The following RGS3 variants were observed in gnomAD, a reference collection of about 807,000 sequenced individuals.
RGS3 encodes the protein regulator of G-protein signalling 3.
A neutral mutation model predicts 132.6 loss-of-function variants in RGS3; 80 were observed. That is an observed-to-expected ratio of 0.60 (90% confidence interval 0.50 to 0.73). RGS3 has a LOEUF of 0.73. RGS3 is among the 30% of genes least tolerant of loss of function. RGS3 has a pLI of 0.00. For missense variants in RGS3, 1,382 were observed against 1,530.8 expected (o/e 0.90, Z 1.62); for synonymous variants, 598 against 620.6 (o/e 0.96, Z 0.54).
chr9:113,482,922 C>G, intron 4 of RGS3, 137 bp from the exon 3 acceptor site: 1 of 1,532,926 alleles, frequency 6.5e-7, no homozygotes, highest in Non-Finnish European at 8.8e-7. Flanking sequence ...GGCCATAGCC[C>G]TGCTACTCAC....
At chr9:113,547,113 G>GTC (rs1833147633) in intron 19 of RGS3, among the ~76,000 whole-genome samples, 1 of 152,140 alleles carries the variant, frequency 6.6e-6, no homozygotes, top group Admixed American at 6.5e-5. Flanking sequence ...CTTCATCACA[G>GTC]TCACTGTCTT....
intron 19 of RGS3, chr9:113,581,636 C>G (rs1046936494): frequency 6.6e-6 from 1 of 152,256 alleles, no homozygotes; most frequent in African/African-American, 2.4e-5. Flanking sequence ...CCATTTCATA[C>G]GTGGACACCT....
At chr9:113,498,149 G>A (rs1830747382) in intron 10 of RGS3, 69 bp downstream of exon 8, 1 of 1,448,314 alleles carries the variant, frequency 6.9e-7, no homozygotes, top group South Asian at 1.1e-5. Context: ...CTGGGCCCGG[G>A]AAACCCCTAA....
At chr9:113,466,913 A>G (rs1588135446) in intron 3 of RGS3, among the ~76,000 whole-genome samples, 1 of 152,156 alleles carries the variant, frequency 6.6e-6, no homozygotes, top group East Asian at 1.9e-4. Flanking sequence ...GCAATTGCTA[A>G]TCTATTCTCT....
intron 21 of RGS3, chr9:113,592,603 C>T (rs1835496570): frequency 1.3e-5 from 2 of 152,162 alleles, no homozygotes; most frequent in Admixed American, 1.3e-4. Flanking sequence ...TGTCCCTCAG[C>T]CTCCCAAGTA....
At chr9:113,548,544 G>A (rs1833205655) in intron 19 of RGS3, among the ~76,000 whole-genome samples, 1 of 152,212 alleles carries the variant, frequency 6.6e-6, no homozygotes, top group Admixed American at 6.5e-5. Context: ...CTGAGGGGAA[G>A]AGGAGGGGGC....
At chr9:113,594,687 A>T (rs1004001477) in intron 22 of RGS3, among the ~76,000 whole-genome samples, 156 bp downstream of exon 20, 11 of 152,154 alleles carry the variant, frequency 7.2e-5, no homozygotes, top group Middle Eastern at 3.4e-3. Context: ...CCTGGCAAGC[A>T]GCTACCCTCA....
At chr9:113,590,533 C>G (rs941880663) in intron 20 of RGS3, among the ~76,000 whole-genome samples, 2 of 151,610 alleles carry the variant, frequency 1.3e-5, no homozygotes, top group Non-Finnish European at 2.9e-5. Flanking sequence ...TCCATCCACT[C>G]ATCTATCCAT....
chr9:113,595,062 C>A, intron 23 of RGS3, 82 bp downstream of exon 21: 1 of 1,344,940 alleles, frequency 7.4e-7, no homozygotes, highest in Non-Finnish European at 1.1e-6. Flanking sequence ...GTAGCTGGTG[C>A]TAGAGAGGCC....
chr9:113,593,881 G>A (rs770153643), intron 21 of RGS3: 1 of 1,559,592 alleles, frequency 6.4e-7, no homozygotes, highest in Non-Finnish European at 8.7e-7. Flanking sequence ...GCAATTTGCT[G>A]ACTTGTCCCC....
At chr9:113,465,526 G>A (rs1409595955) in intron 3 of RGS3, among the ~76,000 whole-genome samples, 1 of 151,146 alleles carries the variant, frequency 6.6e-6, no homozygotes, top group Non-Finnish European at 1.5e-5. Flanking sequence ...TTGAGATCAA[G>A]TTTGTATGGA....
At chr9:113,517,416 G>A (rs775508142) in intron 15 of RGS3, 125 bp from the exon 14 acceptor site, 9 of 764,854 alleles carry the variant, frequency 1.2e-5, no homozygotes, top group African/African-American at 3.4e-5. Flanking sequence ...GGTCGGTGGC[G>A]GGCTGACAGT....
chr9:113,466,672 G>A (rs1376464076), intron 3 of RGS3, among the ~76,000 whole-genome samples: 4 of 152,082 alleles, frequency 2.6e-5, no homozygotes, highest in African/African-American at 9.7e-5. Flanking sequence ...TTTTCTCCAG[G>A]ATTGTATATT....
chr9:113,484,864 G>C (rs920471619), intron 6 of RGS3, among the ~76,000 whole-genome samples: 1 of 152,104 alleles, frequency 6.6e-6, no homozygotes, highest in African/African-American at 2.4e-5. Flanking sequence ...ACTACATAAA[G>C]TAGTTTTGGT....
At chr9:113,466,371 A>G (rs1829643966) in intron 3 of RGS3, among the ~76,000 whole-genome samples, 1 of 152,266 alleles carries the variant, frequency 6.6e-6, no homozygotes, top group Non-Finnish European at 1.5e-5. Flanking sequence ...AGGGAGCATA[A>G]TCATCTATGG....
At chr9:113,551,003 A>C (rs1230397600) in intron 19 of RGS3, among the ~76,000 whole-genome samples, 2 of 152,240 alleles carry the variant, frequency 1.3e-5, no homozygotes, top group Non-Finnish European at 2.9e-5. Flanking sequence ...TCACCCATTT[A>C]AAGTACACAA....
exon 3 of RGS3, chr9:113,462,095 C>G: frequency 6.2e-7 from 1 of 1,614,144 alleles, no homozygotes; most frequent in Non-Finnish European, 8.5e-7. Context: ...TATTCCCTGG[C>G]TGGATGGAGT....
At chr9:113,542,272 C>T (rs759100503) in intron 19 of RGS3, among the ~76,000 whole-genome samples, 47 of 152,014 alleles carry the variant, frequency 3.1e-4, no homozygotes, top group Admixed American at 1.0e-3. Flanking sequence ...GGAGGAATGG[C>T]GAGCAGGCCA....
intron 19 of RGS3, among the ~76,000 whole-genome samples, chr9:113,538,158 A>G (rs1832756553): frequency 6.6e-6 from 1 of 152,218 alleles, no homozygotes; most frequent in Non-Finnish European, 1.5e-5. Context: ...GAGAGGGTGC[A>G]TATACGGGCT....
Sources: allele counts gnomAD v4.1 joint callset (sites outside exome capture counted in the v4.1 genomes callset), GRCh38; gene constraint gnomAD v4.1.1; transcripts MANE v1.5; gene names NCBI Gene and HGNC (gene_info 2026-07-23, HGNC 2026-07-21).